Variants in NUBPL observed in about 807,000 individuals in gnomAD.
NUBPL encodes iron-sulfur cluster transfer protein NUBPL.
In NUBPL, 31 loss-of-function variants were observed where a neutral mutation model predicts 45.7. The observed-to-expected ratio is 0.68, with a 90% confidence interval of 0.51 to 0.92. NUBPL has a LOEUF of 0.92. Ranked by LOEUF, NUBPL falls within the 40% of genes least tolerant of loss-of-function variation. The probability of loss-of-function intolerance (pLI) is 0.00; values close to 1 mark genes in which losing one functional copy is unlikely to be tolerated. For missense variants in NUBPL, 401 were observed against 398.7 expected (o/e 1.01, Z -0.05); for synonymous variants, 144 against 140.9 (o/e 1.02, Z -0.15).
chr14:31,588,388 C>T (rs2034049190), intron 3 of NUBPL, among the ~76,000 whole-genome samples: 1 of 150,140 alleles, frequency 6.7e-6, no homozygotes, highest in Non-Finnish European at 1.5e-5. Context: ...ATAATCTTCA[C>T]AAAAATCCTA....
chr14:31,825,644 C>CTCTTTTCCTT (rs2040086171), intron 7 of NUBPL, among the ~76,000 whole-genome samples: 1 of 146,886 alleles, frequency 6.8e-6, no homozygotes, highest in Non-Finnish European at 1.5e-5. Flanking sequence ...TCCCCTCTTT[C>CTCTTTTCCTT]TCCTTTCCTT....
At chr14:31,569,862 A>G (rs1011744979) in intron 3 of NUBPL, among the ~76,000 whole-genome samples, 4 of 152,304 alleles carry the variant, frequency 2.6e-5, no homozygotes, top group Non-Finnish European at 5.9e-5. Context: ...TTATATATTG[A>G]CAATCTTATT....
At chr14:31,682,097 A>G (rs2036847996) in intron 6 of NUBPL, among the ~76,000 whole-genome samples, 1 of 152,144 alleles carries the variant, frequency 6.6e-6, no homozygotes, top group South Asian at 2.1e-4. Flanking sequence ...TTGTCTAGTT[A>G]CTGTATAAAT....
intron 7 of NUBPL, among the ~76,000 whole-genome samples, chr14:31,810,106 G>A (rs1238725565): frequency 5.9e-5 from 9 of 152,174 alleles, no homozygotes; most frequent in African/African-American, 9.7e-5. Flanking sequence ...GATTTGGGGC[G>A]GAGAGTTCTG....
Position 31,604,413 on chromosome 14 carries a change from T to C in NUBPL, c.382+5034T>C, listed in dbSNP as rs139094110. 2.1e-3 allele frequency among the ~76,000 whole-genome samples: 327 copies of C among 152,258 alleles called. 1 individual carries two copies. The highest frequency in any genetic ancestry group is 7.5e-3 in the African/African-American group (312 of 41,542). ...TATTCTGCTATTACAGAAAACACAA[T>C]ACAATACAAAATTACCTAATTAACA... On this transcript the variant is annotated intron_variant, in intron 4 of 10. Transcript: ENST00000281081.
intron 4 of NUBPL, among the ~76,000 whole-genome samples, chr14:31,606,102 T>TTC (rs2034591385): frequency 6.9e-6 from 1 of 144,494 alleles, no homozygotes; most frequent in Admixed American, 6.9e-5. Context: ...TTCTTTTCTT[T>TTC]TTTTTTTTTT....
intron 6 of NUBPL, among the ~76,000 whole-genome samples, chr14:31,778,704 A>G (rs1029203642): frequency 6.6e-6 from 1 of 152,222 alleles, no homozygotes; most frequent in Non-Finnish European, 1.5e-5. Flanking sequence ...GCAAATCATA[A>G]TTAGTACGTG....
intron 6 of NUBPL, among the ~76,000 whole-genome samples, chr14:31,739,003 G>T (rs909395024): frequency 1.3e-5 from 2 of 150,680 alleles, no homozygotes; most frequent in Admixed American, 6.6e-5. Context: ...AGAGTGTAGA[G>T]TTTTTTATTT....
At chr14:31,854,780 C>A (rs1232347578) in intron 10 of NUBPL, among the ~76,000 whole-genome samples, 1 of 152,154 alleles carries the variant, frequency 6.6e-6, no homozygotes, top group African/African-American at 2.4e-5. Flanking sequence ...ACTGTTCTGC[C>A]CCTCTTTTAT....
intron 3 of NUBPL, among the ~76,000 whole-genome samples, chr14:31,580,642 A>T (rs959163929): frequency 5.3e-5 from 8 of 152,162 alleles, no homozygotes. Context: ...AATGAAAGTG[A>T]TAGGAGGTGC....
intron 4 of NUBPL, among the ~76,000 whole-genome samples, chr14:31,668,356 C>A (rs535837955): frequency 6.6e-6 from 1 of 152,178 alleles, no homozygotes; most frequent in Admixed American, 6.5e-5. Flanking sequence ...TTCCTTAATA[C>A]GGTGAGGGGA....
At chr14:31,624,660 G>A (rs540870454) in intron 4 of NUBPL, among the ~76,000 whole-genome samples, 3 of 152,300 alleles carry the variant, frequency 2.0e-5, no homozygotes, top group East Asian at 3.9e-4. Context: ...CGCCTCCTGA[G>A]TTTAAGCAAT....
At chr14:31,707,279 G>A (rs778068832) in intron 6 of NUBPL, among the ~76,000 whole-genome samples, 2 of 152,266 alleles carry the variant, frequency 1.3e-5, no homozygotes, top group African/African-American at 2.4e-5. Flanking sequence ...CAACAAGGTG[G>A]TATTGGATTG....
At position 31,593,379 on chromosome 14, in the gene NUBPL, TG is replaced by T. The variant is rs376192829; in HGVS notation, c.292-5904del. 7.9e-3 allele frequency among the ~76,000 whole-genome samples: 1,199 copies of T among 151,754 alleles called. 15 individuals are homozygous for T. The highest frequency in any genetic ancestry group is 0.027 in the African/African-American group (1,132 of 41,372). On this transcript the variant is annotated intron_variant, in intron 3 of 10. Coordinates refer to ENST00000281081, the MANE Select transcript of NUBPL (RefSeq NM_025152.3). ...ATACCAAAAAATTAGCCGGGTGTGC[TG>T]GGGGGCGTCTGTAGTCCCGGTTACT...
intron 6 of NUBPL, among the ~76,000 whole-genome samples, chr14:31,752,735 A>G (rs1471200617): frequency 6.6e-6 from 1 of 152,244 alleles, no homozygotes; most frequent in Non-Finnish European, 1.5e-5. Context: ...GCAGTACCCC[A>G]GTATCCTGGT....
intron 4 of NUBPL, among the ~76,000 whole-genome samples, chr14:31,639,375 C>T (rs1025590958): frequency 1.3e-5 from 2 of 152,228 alleles, no homozygotes; most frequent in Non-Finnish European, 2.9e-5. Context: ...TGGATATCAG[C>T]AGCGGTGGCT....
At chr14:31,690,565 A>C (rs2037070804) in intron 6 of NUBPL, among the ~76,000 whole-genome samples, 2 of 152,162 alleles carry the variant, frequency 1.3e-5, no homozygotes, top group African/African-American at 4.8e-5. Flanking sequence ...CTCTATGGAA[A>C]GGATTGTCAG....
intron 4 of NUBPL, among the ~76,000 whole-genome samples, chr14:31,607,473 AAAG>A (rs2034635001): frequency 6.6e-6 from 1 of 152,136 alleles, no homozygotes; most frequent in Admixed American, 6.5e-5. Context: ...GAGGAAACTC[AAAG>A]AAAGTCAAGA....
chr14:31,718,904 G>A (rs2037746821), intron 6 of NUBPL, among the ~76,000 whole-genome samples: 1 of 152,006 alleles, frequency 6.6e-6, no homozygotes. Flanking sequence ...TCTCTTTTTT[G>A]CATGACTACA....
Sources: gnomAD v4.1 joint callset for allele counts (sites outside exome capture counted in the v4.1 genomes callset) on GRCh38, gnomAD v4.1.1 for gene constraint, MANE v1.5 for transcripts, NCBI Gene and HGNC (gene_info 2026-07-23, HGNC 2026-07-21) for gene names.